SMAD4: variants seen among roughly 807,000 people sequenced by gnomAD.
SMAD4 encodes MAD homolog 4.
In SMAD4, 7 loss-of-function variants were observed where a neutral mutation model predicts 63.2. The observed-to-expected ratio is 0.11, with a 90% CI of 0.06 to 0.21. SMAD4 has a LOEUF of 0.21. Among genes scored for constraint, SMAD4 ranks in the 10% least tolerant of loss-of-function variants. The pLI is 1.00. For missense variants in SMAD4, 312 were observed against 693.8 expected (o/e 0.45, Z 6.18); for synonymous variants, 215 against 235.4 (o/e 0.91, Z 0.79).
chr18:51,057,284 G>A (rs937086438), intron 5 of SMAD4, among the ~76,000 whole-genome samples: 5 of 151,958 alleles, frequency 3.3e-5, no homozygotes, highest in Non-Finnish European at 7.4e-5. Context: ...TAACAGTCGA[G>A]TTAATTAATG....
At chr18:51,059,288 G>A (rs1234953051) in intron 7 of SMAD4, among the ~76,000 whole-genome samples, 1 of 152,166 alleles carries the variant, frequency 6.6e-6, no homozygotes, top group Non-Finnish European at 1.5e-5. Flanking sequence ...GCTGGGTTTG[G>A]ACCTTTAACA....
rs2144407745 is a variant in SMAD4, at chr18:51,049,327, A to G, written c.454+3A>G. ...AGGATTAACACTGCAGAGTAATGGTAGGTAATCTGTTTCTTACTACTTTCT... is the reference window on the plus strand; with the variant it reads ...AGGATTAACACTGCAGAGTAATGGTGGGTAATCTGTTTCTTACTACTTTCT... On this transcript the variant is annotated splice_donor_region_variant and intron_variant, in intron 4 of 11. Coordinates refer to ENST00000342988, the MANE Select transcript of SMAD4 (RefSeq NM_005359.6). 1 of 1,594,422 alleles carries G rather than the reference A, an allele frequency of 6.3e-7. No individual in the cohort carries two copies. The highest frequency in any genetic ancestry group is 1.7e-5 in the Admixed American group (1 of 59,652).
In SMAD4 at chr18:51,084,000, GCA is replaced by G. The variant is rs879291748; in HGVS notation, c.*5535_*5536del. ...TGCAATAAACACTTAACGCGCGTGCGCACGCGCGCGCGCACACACACACACAC... is the reference window on the plus strand; with the variant it reads ...TGCAATAAACACTTAACGCGCGTGCGCGCGCGCGCGCACACACACACACAC... On this transcript the variant is annotated 3_prime_UTR_variant, in exon 12 of 12. Transcript: ENST00000342988. The G allele has an allele frequency of 0.41, 81,922 of 201,326 alleles. 15,311 individuals are homozygous for G. Among genetic ancestry groups the G allele is most frequent in the East Asian group, 0.49 (7,410 of 15,190 alleles). The allele number at this position is 201,326 out of a possible 1,614,324, so 12.5% of individuals were successfully genotyped here. A position where few individuals can be genotyped will look rare whatever the true frequency, so the allele number is the denominator to read the frequency against.
rs764887024 is a variant in SMAD4 at position 51,048,667 on chromosome 18, T to A, written c.250-19T>A. ...TTGCATAATGTGACACATGAATAAA[T>A]GGTCGTTTATTTTTCTAGGTGGCTG... On this transcript the variant is annotated intron_variant, in intron 2 of 11. Coordinates refer to ENST00000342988, the MANE Select transcript of SMAD4 (RefSeq NM_005359.6). The A allele has an allele frequency of 1.2e-6, 2 of 1,607,186 alleles. No individual in the cohort carries two copies. The highest frequency in any genetic ancestry group is 2.2e-5 in the South Asian group (2 of 90,988).
rs1910665071 is a variant in SMAD4, at chr18:51,083,631, C to T, written c.*5164C>T. On this transcript the variant is annotated 3_prime_UTR_variant, in exon 12 of 12. Coordinates refer to ENST00000342988, the MANE Select transcript of SMAD4 (RefSeq NM_005359.6). ...AGTAATGGCTCTGGGTTGGGCCAGACAGTTGCACTCTCTAGTTTGCCCTCT... is the reference window on the plus strand; with the variant it reads ...AGTAATGGCTCTGGGTTGGGCCAGATAGTTGCACTCTCTAGTTTGCCCTCT... 2 of 227,814 alleles carry T rather than the reference C, an allele frequency of 8.8e-6. No homozygotes were observed. The highest frequency in any genetic ancestry group is 1.7e-5 in the Non-Finnish European group (2 of 114,666). 14.1% of individuals were successfully genotyped at this position (227,814 alleles called of 1,614,324 possible). A position where few individuals can be genotyped will look rare whatever the true frequency, so the allele number is the denominator to read the frequency against.
At chr18:51,054,608 CTT>C (rs1231622997) in intron 4 of SMAD4, 171 bp from the exon 5 acceptor site, 14 of 595,632 alleles carry the variant, frequency 2.4e-5, no homozygotes, top group East Asian at 2.0e-4. Flanking sequence ...GAATAAATGA[CTT>C]TTGCTGGTAA....
chr18:51,032,939 G>A (rs1250062958), intron 1 of SMAD4, among the ~76,000 whole-genome samples: 2 of 151,650 alleles, frequency 1.3e-5, no homozygotes, highest in African/African-American at 4.8e-5. Context: ...TTAATCCAGC[G>A]ATTTTTTTAG....
Position 51,054,763 on chromosome 18 carries a change from G to C in SMAD4, c.455-18G>C, listed in dbSNP as rs1283264128. The stretch of plus-strand genomic sequence containing the variant: ...AGAAGCTTATAAAAATTTAAAATAT[G>C]TTTAATTTTCTATATAGCTCCATCA... On this transcript the variant is annotated intron_variant, in intron 4 of 11. Coordinates refer to ENST00000342988, the MANE Select transcript of SMAD4 (RefSeq NM_005359.6). 1 of 1,560,266 alleles carries C rather than the reference G, an allele frequency of 6.4e-7. No homozygotes were observed. Among genetic ancestry groups the C allele is most frequent in the Non-Finnish European group, 8.8e-7 (1 of 1,134,318 alleles).
chr18:51,047,469 A>G (rs1323234441), intron 2 of SMAD4, among the ~76,000 whole-genome samples, 174 bp downstream of exon 2: 2 of 152,210 alleles, frequency 1.3e-5, no homozygotes, highest in Non-Finnish European at 2.9e-5. Flanking sequence ...CAAAAGATAA[A>G]ATCTTAAAGT....
intron 10 of SMAD4, among the ~76,000 whole-genome samples, chr18:51,072,189 T>G (rs1286995548): frequency 6.6e-6 from 1 of 152,244 alleles, no homozygotes; most frequent in Non-Finnish European, 1.5e-5. Flanking sequence ...ACAAAATGGC[T>G]GCACCACTTT....
At chr18:51,051,817 C>CT (rs1326016690) in intron 4 of SMAD4, among the ~76,000 whole-genome samples, 1 of 148,282 alleles carries the variant, frequency 6.7e-6, no homozygotes, top group Non-Finnish European at 1.5e-5. Flanking sequence ...TTTTTTTTTT[C>CT]TTTTTTGAGA....
In SMAD4 at chr18:51,037,318, T is replaced by C. The variant is rs1204844431; in HGVS notation, c.-128+6695T>C. ...CTCCTGGAGATCCCTAGGATCCTTA[T>C]ATTTAAGGGGTTCACAAAATCAAAA... On this transcript the variant is annotated intron_variant, in intron 1 of 11. Transcript: ENST00000342988. Among the ~76,000 whole-genome samples, 5 of 152,236 alleles carry C rather than the reference T, an allele frequency of 3.3e-5. 1 individual carries two copies. The highest frequency in any genetic ancestry group is 5.9e-5 in the Non-Finnish European group (4 of 68,042).
At chr18:51,046,618 G>T (rs1909551405) in intron 1 of SMAD4, among the ~76,000 whole-genome samples, 1 of 151,934 alleles carries the variant, frequency 6.6e-6, no homozygotes, top group Admixed American at 6.6e-5. Flanking sequence ...CCTTTAGGGT[G>T]ACTAGTAAAG....
Position 51,054,995 on chromosome 18 carries a change from T to A in SMAD4, c.667+2T>A, listed in dbSNP as rs2144419750. 1 of 1,609,280 alleles carries A rather than the reference T, an allele frequency of 6.2e-7. No homozygotes were observed. Among genetic ancestry groups the A allele is most frequent in the Non-Finnish European group, 8.5e-7 (1 of 1,175,590 alleles). ...CCAACATTCCTGTGGCTTCCACAAGTGAGTTCTAGAATCAGATGTAGTCAG... is the reference window on the plus strand; with the variant it reads ...CCAACATTCCTGTGGCTTCCACAAGAGAGTTCTAGAATCAGATGTAGTCAG... On this transcript the variant is annotated splice_donor_variant, in intron 5 of 11. Coordinates refer to ENST00000342988, the MANE Select transcript of SMAD4 (RefSeq NM_005359.6). LOFTEE classifies it high-confidence loss of function.
chr18:51,050,611 A>G (rs1909681076), intron 4 of SMAD4, among the ~76,000 whole-genome samples: 1 of 151,308 alleles, frequency 6.6e-6, no homozygotes, highest in South Asian at 2.1e-4. Context: ...GTGAGCCGAG[A>G]TAGTGGCACT....
At chr18:51,048,962 C>A in intron 3 of SMAD4, 102 bp downstream of exon 3, 1 of 1,006,430 alleles carries the variant, frequency 9.9e-7, no homozygotes, top group Non-Finnish European at 1.5e-6. Flanking sequence ...AGATAGCCCG[C>A]GACTTTAAAT....
intron 1 of SMAD4, among the ~76,000 whole-genome samples, chr18:51,031,082 T>G (rs1909036126): frequency 1.3e-5 from 2 of 152,260 alleles, no homozygotes; most frequent in Non-Finnish European, 2.9e-5. Flanking sequence ...AGTCTTGTCA[T>G]GCCAGTTTAC....
intron 8 of SMAD4, among the ~76,000 whole-genome samples, chr18:51,063,834 CT>C: frequency 6.6e-6 from 1 of 152,116 alleles, no homozygotes; most frequent in East Asian, 1.9e-4. Flanking sequence ...AAATATTTAT[CT>C]TTGTGACAAG....
Position 51,083,516 on chromosome 18 carries a change from A to G in SMAD4, c.*5049A>G, listed in dbSNP as rs992423231. ...AGGAAAACCTTTGGTGAAGACAATC[A>G]TTTCTCTCTGTTGATGTGGATACTT... On this transcript the variant is annotated 3_prime_UTR_variant, in exon 12 of 12. Transcript: ENST00000342988. 1.3e-5 allele frequency: 3 copies of G among 226,250 alleles called. No homozygotes were observed. The highest frequency in any genetic ancestry group is 2.6e-5 in the Non-Finnish European group (3 of 114,716). 14.0% of individuals were successfully genotyped at this position (226,250 alleles called of 1,614,324 possible).
Sources: allele counts gnomAD v4.1 joint callset (sites outside exome capture counted in the v4.1 genomes callset), GRCh38; gene constraint gnomAD v4.1.1; transcripts MANE v1.5; gene names NCBI Gene and HGNC (gene_info 2026-07-23, HGNC 2026-07-21).